Variants in COL4A2 observed in about 807,000 individuals in gnomAD.
The protein encoded by COL4A2 is collagen type IV alpha 2 chain.
In COL4A2, 99 loss-of-function variants were observed where a neutral mutation model predicts 200.2. The observed-to-expected ratio is 0.49, with a 90% CI of 0.42 to 0.58. The LOEUF is 0.58. COL4A2 is among the 20% of genes least tolerant of loss of function. The probability of loss-of-function intolerance (pLI) is 0.00; values close to 1 mark genes in which losing one functional copy is unlikely to be tolerated. For synonymous variants in COL4A2, 897 were observed against 900.6 expected (o/e 1.00, Z 0.07); for missense variants, 1,950 against 2,314.1 (o/e 0.84, Z 3.23).
At chr13:110,309,192 G>A (rs1284980890) in intron 3 of COL4A2, among the ~76,000 whole-genome samples, 1 of 152,240 alleles carries the variant, frequency 6.6e-6, no homozygotes. Context: ...GTGATGAGGA[G>A]CTACTCCCAC....
At chr13:110,393,983 G>A (rs1479090171) in intron 4 of COL4A2, among the ~76,000 whole-genome samples, 2 of 152,146 alleles carry the variant, frequency 1.3e-5, no homozygotes, top group African/African-American at 2.4e-5. Flanking sequence ...GCAGAATGAG[G>A]TGTTGGCCAT....
intron 4 of COL4A2, among the ~76,000 whole-genome samples, chr13:110,371,357 A>G (rs562973255): frequency 6.6e-6 from 1 of 152,314 alleles, no homozygotes; most frequent in East Asian, 1.9e-4. Flanking sequence ...ACCTAGACCT[A>G]TTTACATTTA....
intron 4 of COL4A2, among the ~76,000 whole-genome samples, chr13:110,375,148 G>A (rs1335547207): frequency 6.6e-6 from 1 of 152,178 alleles, no homozygotes; most frequent in Admixed American, 6.5e-5. Context: ...CAGGTGTGAG[G>A]ATGGCTCACC....
At chr13:110,380,760 C>T (rs1033500148) in intron 4 of COL4A2, among the ~76,000 whole-genome samples, 8 of 151,134 alleles carry the variant, frequency 5.3e-5, no homozygotes, top group Non-Finnish European at 1.2e-4. Context: ...CTGTCTCACA[C>T]CCATGGGCTC....
intron 3 of COL4A2, among the ~76,000 whole-genome samples, chr13:110,311,588 G>T (rs539030473): frequency 6.6e-6 from 1 of 152,156 alleles, no homozygotes; most frequent in African/African-American, 2.4e-5. Flanking sequence ...CATGTGAAGC[G>T]CCTTGGAGGG....
At chr13:110,491,648 G>T in intron 37 of COL4A2, among the ~76,000 whole-genome samples, 1 of 152,142 alleles carries the variant, frequency 6.6e-6, no homozygotes, top group East Asian at 1.9e-4. Context: ...CATTGAATAT[G>T]CAGAAACCCC....
rs1366625517 is a variant in COL4A2 at position 110,413,401 on chromosome 13, AG to A, written c.181-11332del. On this transcript the variant is annotated intron_variant, in intron 4 of 47. Coordinates refer to ENST00000360467, the MANE Select transcript of COL4A2 (RefSeq NM_001846.4). ...TGTGGGTACAGAGATGTAGTATGGC[AG>A]TGCCCTGCAGTGTGCCATGGGGAAG... Among the ~76,000 whole-genome samples, 5 of 152,302 alleles carry A rather than the reference AG, an allele frequency of 3.3e-5. No homozygotes were observed. The East Asian group carries it at 9.7e-4, about 29-fold the overall frequency.
intron 3 of COL4A2, among the ~76,000 whole-genome samples, chr13:110,329,490 C>T (rs112522662): frequency 0.041 from 6,200 of 152,286 alleles, 157 homozygotes; most frequent in Non-Finnish European, 0.058. Flanking sequence ...GCGGGTGCCA[C>T]ATATTTGTTG....
chr13:110,506,132 G>A (rs369131618), intron 45 of COL4A2, among the ~76,000 whole-genome samples: 1 of 151,908 alleles, frequency 6.6e-6, no homozygotes, highest in Non-Finnish European at 1.5e-5. Flanking sequence ...CAAGGGGGCT[G>A]CTCTCTCTCT....
chr13:110,330,833 C>T (rs533752884), intron 3 of COL4A2, among the ~76,000 whole-genome samples: 1 of 152,076 alleles, frequency 6.6e-6, no homozygotes, highest in Admixed American at 6.5e-5. Context: ...CAGTAACTGC[C>T]AGCAGAGTTG....
In COL4A2 at chr13:110,480,364, G is replaced by C; in HGVS notation, c.2732G>C (p.Gly911Ala). The C allele has an allele frequency of 6.2e-7, 1 of 1,612,644 alleles. No individual in the cohort carries two copies. The highest frequency in any genetic ancestry group is 8.5e-7 in the Non-Finnish European group (1 of 1,179,460). Residue 911 changes from glycine to alanine, a missense_variant, in exon 31 of 48, where the codon GGA becomes GCA. By Grantham distance (60) the Gly-to-Ala change is moderately conservative. This residue lies in a region of COL4A2 where 1,385 missense variants were observed against 1,720.5 expected (regional missense o/e 0.80). Coordinates refer to ENST00000360467, the MANE Select transcript of COL4A2 (RefSeq NM_001846.4). ...PGSPGFKGIDGMPGTPGLKGD... is the reference protein window; with the variant it reads ...PGSPGFKGIDAMPGTPGLKGD... ...AGCCCTGGATTTAAAGGAATTGATG[G>C]AATGCCTGGGACCCCCGGGCTAAAA...
chr13:110,447,580 G>A (rs1036715185), intron 18 of COL4A2, among the ~76,000 whole-genome samples: 17 of 152,106 alleles, frequency 1.1e-4, no homozygotes, highest in African/African-American at 2.7e-4. Flanking sequence ...AAAATGTTTC[G>A]AGAACCTCCT....
At chr13:110,454,603 G>A (rs925013708) in intron 20 of COL4A2, among the ~76,000 whole-genome samples, 3 of 152,084 alleles carry the variant, frequency 2.0e-5, no homozygotes, top group Non-Finnish European at 2.9e-5. Flanking sequence ...CCAGCAGTGC[G>A]GGGTGCGGCC....
chr13:110,507,776 A>C (rs2139559745), intron 46 of COL4A2, 159 bp from the exon 47 acceptor site: 1 of 667,738 alleles, frequency 1.5e-6, no homozygotes, highest in Non-Finnish European at 2.5e-6. Flanking sequence ...AAAAAGAAAG[A>C]AATTGGGAAG....
intron 3 of COL4A2, among the ~76,000 whole-genome samples, chr13:110,320,313 A>G (rs1042517021): frequency 6.6e-6 from 1 of 152,208 alleles, no homozygotes; most frequent in Non-Finnish European, 1.5e-5. Flanking sequence ...CGTGGGTGCC[A>G]CTGGCACCTC....
rs940767056 is a variant in COL4A2, at chr13:110,505,075, GC to G, written c.4402+812del. 5.9e-5 allele frequency among the ~76,000 whole-genome samples: 9 copies of G among 152,130 alleles called. No homozygotes were observed. The East Asian group carries it at 1.7e-3, about 29-fold the overall frequency. Reference sequence around the variant, plus strand: ...AATTAAAATTAAACATAGGGGCCGGGCGCGGTGGCTCACGCCTGTAATCCCA... The same window carrying G: ...AATTAAAATTAAACATAGGGGCCGGGGCGGTGGCTCACGCCTGTAATCCCA... On this transcript the variant is annotated intron_variant, in intron 45 of 47. Coordinates refer to ENST00000360467, the MANE Select transcript of COL4A2 (RefSeq NM_001846.4).
At chr13:110,356,121 C>T (rs975164269) in intron 3 of COL4A2, among the ~76,000 whole-genome samples, 1 of 152,164 alleles carries the variant, frequency 6.6e-6, no homozygotes. Flanking sequence ...CATCTTTGAT[C>T]TGAATGTTGA....
Position 110,438,649 on chromosome 13 carries a change from T to C in COL4A2, c.893T>C (p.Met298Thr), listed in dbSNP as rs1241024948. 2.5e-6 allele frequency: 4 copies of C among 1,614,114 alleles called. No individual in the cohort carries two copies. Among genetic ancestry groups the C allele is most frequent in the Non-Finnish European group, 3.4e-6 (4 of 1,180,048 alleles). Residue 298 changes from methionine (M) to threonine (T), a missense_variant, in exon 15 of 48, where the codon ATG (methionine) becomes ACG (threonine). Coordinates refer to ENST00000360467, the MANE Select transcript of COL4A2 (RefSeq NM_001846.4). ...TCCTTGAAGGGAGAAGAAGGAATCA[T>C]GGGCTTTCCTGGACTGAGGGTAAAC... The part of the protein sequence containing the change: ...GISLKGEEGI[M>T]GFPGLRGYPG...
chr13:110,432,083 A>G (rs1249580814), intron 10 of COL4A2, among the ~76,000 whole-genome samples: 1 of 152,154 alleles, frequency 6.6e-6, no homozygotes, highest in Non-Finnish European at 1.5e-5. Context: ...AAGCCCAAAC[A>G]CACAAAAGCA....
Sources: gnomAD v4.1 joint callset for allele counts (sites outside exome capture counted in the v4.1 genomes callset) on GRCh38, gnomAD v4.1.1 for gene constraint, gnomAD v4.1.1 regional missense constraint, MANE v1.5 for transcripts, NCBI Gene and HGNC (gene_info 2026-07-23, HGNC 2026-07-21) for gene names.